The following MTMR7 variants were observed in gnomAD, a reference collection of about 807,000 sequenced individuals.
MTMR7 encodes the protein phosphatidylinositol-3-phosphate phosphatase MTMR7.
In MTMR7, 76 loss-of-function variants were observed where a neutral mutation model predicts 81.2. The ratio of observed to expected loss-of-function variants is 0.94; its 90% CI spans 0.78 to 1.13. The LOEUF (loss-of-function observed/expected upper bound fraction) is 1.13. Among genes scored for constraint, MTMR7 ranks in the 50% most tolerant of loss-of-function variants. MTMR7 has a pLI of 0.00. For missense variants in MTMR7, 1,044 were observed against 820.0 expected, an observed-to-expected ratio of 1.27 and a Z score of -3.34; for synonymous variants, 372 against 289.8, an observed-to-expected ratio of 1.28 and a Z score of -2.88.
intron 8 of MTMR7, 92 bp from the exon 9 acceptor site, chr8:17,311,728 G>C: frequency 1.3e-6 from 2 of 1,570,624 alleles, no homozygotes; most frequent in East Asian, 4.5e-5. Flanking sequence ...TATATTTACA[G>C]AAAGAAACAG....
At chr8:17,366,733 A>T (rs191274790) in intron 3 of MTMR7, among the ~76,000 whole-genome samples, 1 of 152,154 alleles carries the variant, frequency 6.6e-6, no homozygotes, top group Non-Finnish European at 1.5e-5. Flanking sequence ...AAAAATACAA[A>T]AAATTAACCG....
At chr8:17,409,427 GC>G (rs59752152) in intron 1 of MTMR7, among the ~76,000 whole-genome samples, 59,121 of 151,988 alleles carry the variant, frequency 0.39, 13,782 homozygotes, top group Admixed American at 0.57. Context: ...TCACACCAGT[GC>G]ACTCCAGCCT....
chr8:17,319,897 G>C lies in MTMR7; in HGVS notation c.866-6496C>G, dbSNP rs555433515. 2.0e-4 allele frequency among the ~76,000 whole-genome samples: 30 copies of C among 152,250 alleles called. 1 individual carries two copies. The highest frequency in any genetic ancestry group is 1.8e-3 in the Admixed American group (28 of 15,286). On this transcript the variant is annotated intron_variant, in intron 7 of 13. Transcript: ENST00000180173. Reference sequence around the variant, plus strand: ...GTTGTGCTTTCTATCACTTACAACAGTGCTGCCCTAATACAGGACTCACTA... The same window carrying C: ...GTTGTGCTTTCTATCACTTACAACACTGCTGCCCTAATACAGGACTCACTA...
intron 6 of MTMR7, among the ~76,000 whole-genome samples, chr8:17,336,250 G>A: frequency 6.6e-6 from 1 of 152,106 alleles, no homozygotes; most frequent in East Asian, 1.9e-4. Context: ...ACCTACAGCT[G>A]AAGACACCCG....
intron 3 of MTMR7, among the ~76,000 whole-genome samples, chr8:17,369,889 C>T (rs948532413): frequency 2.0e-5 from 3 of 151,958 alleles, no homozygotes; most frequent in African/African-American, 7.3e-5. Context: ...TTGCAATCCG[C>T]CTGCCTCGGC....
chr8:17,327,646 A>C (rs1299514058), intron 7 of MTMR7, among the ~76,000 whole-genome samples: 1 of 152,060 alleles, frequency 6.6e-6, no homozygotes, highest in Non-Finnish European at 1.5e-5. Flanking sequence ...CCTGGTAAAA[A>C]AAAAAACTAT....
At chr8:17,321,900 C>A (rs934104843) in intron 7 of MTMR7, among the ~76,000 whole-genome samples, 1 of 152,124 alleles carries the variant, frequency 6.6e-6, no homozygotes, top group East Asian at 1.9e-4. Context: ...AATTTTAGGA[C>A]CTCTGCAAAT....
chr8:17,384,270 G>T (rs1820857453), intron 1 of MTMR7, among the ~76,000 whole-genome samples: 1 of 152,056 alleles, frequency 6.6e-6, no homozygotes, highest in Non-Finnish European at 1.5e-5. Context: ...TAATATCTAG[G>T]CATAGTGGCA....
At chr8:17,397,830 G>C (rs1585121884) in intron 1 of MTMR7, among the ~76,000 whole-genome samples, 1 of 152,084 alleles carries the variant, frequency 6.6e-6, no homozygotes. Flanking sequence ...TGGCCACAGG[G>C]GTACTTGTGT....
intron 8 of MTMR7, among the ~76,000 whole-genome samples, chr8:17,312,105 CAAAAGT>C (rs770659305): frequency 1.5e-4 from 23 of 152,200 alleles, no homozygotes; most frequent in Admixed American, 3.3e-4. Context: ...AAGGAAAAAA[CAAAAGT>C]AAAAATGACA....
At chr8:17,412,843 G>C (rs1563388405) in intron 1 of MTMR7, among the ~76,000 whole-genome samples, 1 of 152,174 alleles carries the variant, frequency 6.6e-6, no homozygotes, top group Non-Finnish European at 1.5e-5. Flanking sequence ...CCAAGCGCAG[G>C]AGTCCCTCTG....
intron 1 of MTMR7, among the ~76,000 whole-genome samples, chr8:17,406,200 C>G (rs1821577789): frequency 6.6e-6 from 1 of 152,056 alleles, no homozygotes; most frequent in Non-Finnish European, 1.5e-5. Context: ...GACATCAAAA[C>G]AGTGAAAAGA....
chr8:17,305,377 C>A lies in MTMR7; in HGVS notation c.1352+380G>T, dbSNP rs143822973. On this transcript the variant is annotated intron_variant, in intron 11 of 13. Transcript: ENST00000180173. ...CAGTTTTAATCTGAATAAATTCTGG[C>A]TTTTATATTTGCTTTCCCAATTAAA... 7.5e-4 allele frequency among the ~76,000 whole-genome samples: 114 copies of A among 152,244 alleles called. 1 individual carries two copies. Among genetic ancestry groups the A allele is most frequent in the African/African-American group, 2.7e-3 (113 of 41,560 alleles).
intron 4 of MTMR7, among the ~76,000 whole-genome samples, chr8:17,350,166 T>C (rs1048256481): frequency 6.6e-6 from 1 of 152,202 alleles, no homozygotes; most frequent in African/African-American, 2.4e-5. Context: ...TCCTGGGATA[T>C]GTCAGGCACC....
At chr8:17,391,288 G>T (rs1358740800) in intron 1 of MTMR7, among the ~76,000 whole-genome samples, 1 of 152,132 alleles carries the variant, frequency 6.6e-6, no homozygotes, top group Non-Finnish European at 1.5e-5. Context: ...TTTACAGGGG[G>T]AGGGTGGCAG....
intron 1 of MTMR7, among the ~76,000 whole-genome samples, chr8:17,380,353 A>G (rs1820721645): frequency 6.6e-6 from 1 of 152,200 alleles, no homozygotes. Flanking sequence ...TAATCCCCAC[A>G]GTAACCCCCT....
At chr8:17,317,379 T>C (rs1818144515) in intron 7 of MTMR7, among the ~76,000 whole-genome samples, 1 of 152,298 alleles carries the variant, frequency 6.6e-6, no homozygotes, top group South Asian at 2.1e-4. Context: ...TCTGAACACC[T>C]GAGTGCATCA....
intron 1 of MTMR7, among the ~76,000 whole-genome samples, chr8:17,411,876 T>C (rs143815999): frequency 6.6e-5 from 10 of 152,334 alleles, no homozygotes; most frequent in African/African-American, 2.4e-4. Flanking sequence ...TTGCTATCAA[T>C]ATCCACAACA....
At position 17,325,730 on chromosome 8, in the gene MTMR7, G is replaced by A. The variant is rs144666131; in HGVS notation, c.865+5420C>T. On this transcript the variant is annotated intron_variant, in intron 7 of 13. Coordinates refer to ENST00000180173, the MANE Select transcript of MTMR7 (RefSeq NM_004686.5). The stretch of plus-strand genomic sequence containing the variant: ...ATTAAATCATTTTTGATGAACGTGC[G>A]CTGATTGCACACAGACCCTATCACG... Among the ~76,000 whole-genome samples the A allele has an allele frequency of 2.2e-4, 33 of 152,200 alleles. 1 individual carries two copies. In the East Asian group the frequency reaches 3.9e-3, roughly 18 times the overall value.
Sources: gnomAD v4.1 joint callset for allele counts (sites outside exome capture counted in the v4.1 genomes callset) on GRCh38, gnomAD v4.1.1 for gene constraint, MANE v1.5 for transcripts, NCBI Gene and HGNC (gene_info 2026-07-23, HGNC 2026-07-21) for gene names.